Variants in P2RX5 observed in about 807,000 individuals in gnomAD.
The protein encoded by P2RX5 is P2X purinoceptor 5.
A neutral mutation model predicts 54.1 loss-of-function variants in P2RX5; 46 were observed. That is an observed-to-expected ratio of 0.85 (90% CI 0.67 to 1.09). The LOEUF (loss-of-function observed/expected upper bound fraction) is 1.09. Among genes scored for constraint, P2RX5 ranks in the 50% least tolerant of loss-of-function variants. The probability of loss-of-function intolerance (pLI) is 0.00; values close to 1 mark genes in which losing one functional copy is unlikely to be tolerated. For synonymous variants in P2RX5, 226 were observed against 226.4 expected (o/e 1.00, Z 0.02); for missense variants, 566 against 549.8 (o/e 1.03, Z -0.29).
chr17:3,699,886 G>A (rs879892681), upstream of P2RX5, among the ~76,000 whole-genome samples: 1,235 of 23,552 alleles, frequency 0.052, 8 homozygotes, highest in Non-Finnish European at 0.083. Context: ...AGGAAGGAAG[G>A]AAGGAAGGAA....
chr17:3,682,222 C>T (rs2050304437), intron 9 of P2RX5: 4 of 548,520 alleles, frequency 7.3e-6, no homozygotes, highest in Non-Finnish European at 1.3e-5. Context: ...CCCGACCCCG[C>T]ACCACCCGGA....
chr17:3,699,922 GAAAGAAA>G (rs1567744411), upstream of P2RX5, among the ~76,000 whole-genome samples: 2,047 of 63,954 alleles, frequency 0.032, 68 homozygotes, highest in Middle Eastern at 0.06. Flanking sequence ...AGGAAGGAAA[GAAAGAAA>G]GAAAGAAAGA....
the P2RX5 span, chr17:3,718,116 C>G: frequency 6.6e-6 from 1 of 152,252 alleles, no homozygotes; most frequent in South Asian, 2.1e-4. Context: ...GCTGGCCTGC[C>G]CAGGGGCCCC....
At chr17:3,698,967 A>C (rs889106242), upstream of P2RX5, among the ~76,000 whole-genome samples, 1 of 151,828 alleles carries the variant, frequency 6.6e-6, no homozygotes, top group African/African-American at 2.4e-5. Flanking sequence ...GCACTTTGGG[A>C]GGCTGAAGCA....
chr17:3,679,777 C>T lies in P2RX5; in HGVS notation c.1072G>A (p.Glu358Lys). 1 of 1,610,084 alleles carries T rather than the reference C, an allele frequency of 6.2e-7. No homozygotes were observed. Among genetic ancestry groups the T allele is most frequent in the Non-Finnish European group, 8.5e-7 (1 of 1,179,772 alleles). ...DKKYEEVRGL[E>K]DSSQEAEDEA... ...TCCTCGGCCTCCTGGGAACTGTCTT[C>T]TAGGCCCCTGGACAAGATACAAGCT... is the stretch of plus-strand genomic sequence containing the variant. Residue 358 changes from glutamate (E) to lysine (K), a missense_variant, in exon 11 of 12, where the codon GAA becomes AAA. Glu to Lys is a moderately conservative substitution (Grantham distance 56). Coordinates refer to ENST00000225328, the MANE Select transcript of P2RX5 (RefSeq NM_002561.4).
the P2RX5 span, among the ~76,000 whole-genome samples, chr17:3,708,867 C>T: frequency 9.0e-6 from 1 of 111,034 alleles, no homozygotes; most frequent in Non-Finnish European, 1.9e-5. Flanking sequence ...CTTATTTATG[C>T]AACCCCCCTC....
At position 3,691,505 on chromosome 17, in the gene P2RX5, C is replaced by G; in HGVS notation, c.288+139G>C. 9 of 1,062,588 alleles carry G rather than the reference C, an allele frequency of 8.5e-6. No individual in the cohort carries two copies. The South Asian group carries it at 1.2e-4, about 15-fold the overall frequency. The allele number at this position is 1,062,588 out of a possible 1,614,324, so 65.8% of individuals were successfully genotyped here. A position where few individuals can be genotyped will look rare whatever the true frequency, so the allele number is the denominator to read the frequency against. ...GGTAGGATCTGGACAGGGTTGCTCTCTGCAAGCCCTGGCAGCTGTCTTGGG... is the reference window on the plus strand; with the variant it reads ...GGTAGGATCTGGACAGGGTTGCTCTGTGCAAGCCCTGGCAGCTGTCTTGGG... On this transcript the variant is annotated intron_variant, in intron 2 of 11. Transcript: ENST00000225328.
intron 1 of P2RX5, among the ~76,000 whole-genome samples, chr17:3,694,760 T>G (rs1048531079): frequency 5.9e-5 from 9 of 152,226 alleles, no homozygotes; most frequent in African/African-American, 2.2e-4. Flanking sequence ...AGCAGTTAAG[T>G]GCTGCTGGGG....
the P2RX5 span, among the ~76,000 whole-genome samples, chr17:3,701,744 CTGTTTTTTTTTTTTT>C: frequency 2.3e-5 from 3 of 128,356 alleles, no homozygotes; most frequent in Non-Finnish European, 4.9e-5. Context: ...GACATTTTCT[CTGTTTTTTTTTTTTT>C]TGTTTTTTTT....
chr17:3,685,089 G>GC (rs1175498931), intron 9 of P2RX5, among the ~76,000 whole-genome samples: 4 of 151,866 alleles, frequency 2.6e-5, no homozygotes, highest in African/African-American at 4.8e-5. Context: ...CAGGTGATCC[G>GC]CCACCTCACC....
intron 9 of P2RX5, among the ~76,000 whole-genome samples, chr17:3,684,872 T>G: frequency 1.5e-5 from 2 of 132,686 alleles, no homozygotes; most frequent in African/African-American, 2.9e-5. Context: ...GGAGATGGAG[T>G]TTTGCTCTTG....
At chr17:3,677,675 C>G (rs2050135990) in intron 11 of P2RX5, 1 of 985,190 alleles carries the variant, frequency 1.0e-6, no homozygotes, top group South Asian at 4.7e-5. Flanking sequence ...ACGCGGGCCC[C>G]TCTCCCTGAG....
At chr17:3,713,662 A>G in the P2RX5 span, among the ~76,000 whole-genome samples, 420 of 152,000 alleles carry the variant, frequency 2.8e-3, 1 homozygote, top group Non-Finnish European at 5.3e-3. Flanking sequence ...AGGCAGGAGA[A>G]TCGCTTGAAC....
chr17:3,699,589 G>A (rs1245873197), upstream of P2RX5, among the ~76,000 whole-genome samples: 10 of 151,830 alleles, frequency 6.6e-5, no homozygotes, highest in African/African-American at 7.3e-5. Context: ...GGTAGATCAC[G>A]AGGTCAAAAG....
upstream of P2RX5, among the ~76,000 whole-genome samples, chr17:3,699,917 GGAAAGAAA>G (rs71362545): frequency 0.014 from 1,035 of 75,204 alleles, 18 homozygotes; most frequent in African/African-American, 0.017. Flanking sequence ...AAGGAAGGAA[GGAAAGAAA>G]GAAAGAAAGA....
upstream of P2RX5, among the ~76,000 whole-genome samples, chr17:3,699,259 G>A (rs551396095): frequency 6.6e-6 from 1 of 152,142 alleles, no homozygotes; most frequent in East Asian, 1.9e-4. Context: ...GCTGGATGTG[G>A]TCGTGCACAC....
Position 3,690,944 on chromosome 17 carries a change from G to A in P2RX5, c.360+12C>T, listed in dbSNP as rs370831623. 1.1e-4 allele frequency: 174 copies of A among 1,610,052 alleles called. No homozygotes were observed. Among genetic ancestry groups the A allele is most frequent in the Admixed American group, 1.8e-4 (11 of 59,576 alleles). On this transcript the variant is annotated intron_variant, in intron 3 of 11. Coordinates refer to ENST00000225328, the MANE Select transcript of P2RX5 (RefSeq NM_002561.4). The stretch of plus-strand genomic sequence containing the variant: ...TCCCACCCCCACGCCAGGGCCCCTC[G>A]CCAAATCAAACCTCAGCACAGACGT...
chr17:3,721,260 C>CTTTT, the P2RX5 span, among the ~76,000 whole-genome samples: 33 of 46,222 alleles, frequency 7.1e-4, 2 homozygotes, highest in Non-Finnish European at 1.0e-3. Flanking sequence ...GAGATTTTTC[C>CTTTT]TTTTTTTTTT....
At chr17:3,677,446 T>A (rs1328303132) in intron 11 of P2RX5, 3 of 985,444 alleles carry the variant, frequency 3.0e-6, no homozygotes, top group Non-Finnish European at 3.6e-6. Flanking sequence ...GCCAGCTGCC[T>A]CCTGACTGCT....
Sources: allele counts gnomAD v4.1 joint callset (sites outside exome capture counted in the v4.1 genomes callset), GRCh38; gene constraint gnomAD v4.1.1; transcripts MANE v1.5; gene names NCBI Gene and HGNC (gene_info 2026-07-23, HGNC 2026-07-21).